Variants in PIK3CG observed in about 807,000 individuals in gnomAD.
PIK3CG encodes phosphatidylinositol 4,5-bisphosphate 3-kinase catalytic subunit gamma isoform.
In PIK3CG, 55 loss-of-function variants were observed where a neutral mutation model predicts 102.3. The ratio of observed to expected loss-of-function variants is 0.54; its 90% CI spans 0.43 to 0.67. The LOEUF is 0.67. Ranked by LOEUF, PIK3CG falls within the 30% of genes least tolerant of loss-of-function variation. The pLI is 0.00. For missense variants in PIK3CG, 1,258 were observed against 1,391.8 expected (o/e 0.90, Z 1.53); for synonymous variants, 552 against 540.0 (o/e 1.02, Z -0.31).
At position 106,877,373 on chromosome 7, in the gene PIK3CG, C is replaced by T. The variant is rs1349916809; in HGVS notation, c.2392-2146C>T. ...ATGCTGCCAAATACCCTGCAGGGTACAGGATAGTCCCCCAGAACCAACACT... is the reference window on the plus strand; with the variant it reads ...ATGCTGCCAAATACCCTGCAGGGTATAGGATAGTCCCCCAGAACCAACACT... On this transcript the variant is annotated intron_variant, in intron 5 of 10. Transcript: ENST00000496166. The surrounding 1 kb of genome is among the most constrained non-coding windows in gnomAD (Gnocchi z 4.5). Among the ~76,000 whole-genome samples, 3 of 152,168 alleles carry T rather than the reference C, an allele frequency of 2.0e-5. No homozygotes were observed. The highest frequency in any genetic ancestry group is 4.4e-5 in the Non-Finnish European group (3 of 68,022).
rs143439501 is a variant in PIK3CG, at chr7:106,877,612, C to CTATTT, written c.2392-1906_2392-1905insATTTT. On this transcript the variant is annotated intron_variant, in intron 5 of 10. Coordinates refer to ENST00000496166, the MANE Select transcript of PIK3CG (RefSeq NM_001282426.2). The surrounding 1 kb of genome is among the most constrained non-coding windows in gnomAD (Gnocchi z 4.5). ...TTTTCAGCACCATGTGTTGAAAAGACTGTTTTGTTTTGTTTTGTTTTGTTT... is the reference window on the plus strand; with the variant it reads ...TTTTCAGCACCATGTGTTGAAAAGACTATTTTGTTTTGTTTTGTTTTGTTTTGTTT... Among the ~76,000 whole-genome samples the CTATTT allele has an allele frequency of 6.6e-6, 1 of 150,434 alleles. No individual in the cohort carries two copies. The highest frequency in any genetic ancestry group is 2.4e-5 in the African/African-American group (1 of 40,854).
intron 10 of PIK3CG, among the ~76,000 whole-genome samples, chr7:106,901,780 T>C (rs1270556160): frequency 1.3e-5 from 2 of 152,212 alleles, no homozygotes; most frequent in African/African-American, 4.8e-5. Flanking sequence ...GCAGGGTCTT[T>C]ATTTGAAGCT....
Position 106,884,327 on chromosome 7 carries a change from T to C in PIK3CG, c.2872+61T>C, listed in dbSNP as rs1791024587. 9.2e-7 allele frequency: 1 copy of C among 1,092,042 alleles called. No homozygotes were observed. Among genetic ancestry groups the C allele is most frequent in the Non-Finnish European group, 1.4e-6 (1 of 716,220 alleles). 67.6% of individuals were successfully genotyped at this position (1,092,042 alleles called of 1,614,324 possible). A position where few individuals can be genotyped will look rare whatever the true frequency, so the allele number is the denominator to read the frequency against. On this transcript the variant is annotated intron_variant, in intron 9 of 10. Transcript: ENST00000496166. This position sits in a 1 kb window ranked among gnomAD's most constrained non-coding sequence, Gnocchi z 4.2. ...GGTAAAATATATATAACATAACATTTACTATTTTAACTCTAATTAACTGTA... is the reference window on the plus strand; with the variant it reads ...GGTAAAATATATATAACATAACATTCACTATTTTAACTCTAATTAACTGTA...
chr7:106,886,087 C>G (rs753677636), intron 9 of PIK3CG, 48 bp from the exon 10 acceptor site: 2 of 1,533,890 alleles, frequency 1.3e-6, no homozygotes, highest in South Asian at 1.2e-5. Context: ...TTTTAAGGAA[C>G]AAAGTGCTGT....
chr7:106,882,081 T>A, intron 6 of PIK3CG, 36 bp from the exon 7 acceptor site: 1 of 901,848 alleles, frequency 1.1e-6, no homozygotes. Context: ...AGTTAATATA[T>A]ATATAATATA....
In PIK3CG at chr7:106,908,035, G is replaced by T. The variant is rs1424394187; in HGVS notation, c.*2648G>T. On this transcript the variant is annotated 3_prime_UTR_variant, in exon 11 of 11. Coordinates refer to ENST00000496166, the MANE Select transcript of PIK3CG (RefSeq NM_001282426.2). This position sits in a 1 kb window ranked among gnomAD's most constrained non-coding sequence, Gnocchi z 4.1. ...AGAACTAGAATCATCCTGCTACTGGGAACTACCCACAGCTCTATCTTCAAT... is the reference window on the plus strand; with the variant it reads ...AGAACTAGAATCATCCTGCTACTGGTAACTACCCACAGCTCTATCTTCAAT... Among the ~76,000 whole-genome samples, 2 of 151,986 alleles carry T rather than the reference G, an allele frequency of 1.3e-5. No homozygotes were observed.
chr7:106,873,274 C>T (rs941062813), intron 4 of PIK3CG, among the ~76,000 whole-genome samples: 11 of 152,158 alleles, frequency 7.2e-5, no homozygotes, highest in African/African-American at 2.7e-4. Flanking sequence ...TATGCACATA[C>T]AGTTTTCAAG....
chr7:106,888,589 G>T (rs1159858513), intron 10 of PIK3CG, among the ~76,000 whole-genome samples: 1 of 152,172 alleles, frequency 6.6e-6, no homozygotes, highest in Non-Finnish European at 1.5e-5. Context: ...TGTTTCTCAA[G>T]CCATTAAAAC....
At chr7:106,866,176 A>C (rs750482990) in intron 1 of PIK3CG, among the ~76,000 whole-genome samples, 4 of 152,222 alleles carry the variant, frequency 2.6e-5, no homozygotes, top group Non-Finnish European at 4.4e-5. Context: ...TTTCTTAAGG[A>C]AATAATGTAG....
Position 106,877,090 on chromosome 7 carries a change from T to G in PIK3CG, c.2391+2287T>G, listed in dbSNP as rs1420827919. On this transcript the variant is annotated intron_variant, in intron 5 of 10. Transcript: ENST00000496166. This position sits in a 1 kb window ranked among gnomAD's most constrained non-coding sequence, Gnocchi z 4.5. ...GGCACGTGCCATAGTCCCCACTACTTGGAAGGCTGTGGTGGGAGGATCACT... is the reference window on the plus strand; with the variant it reads ...GGCACGTGCCATAGTCCCCACTACTGGGAAGGCTGTGGTGGGAGGATCACT... Among the ~76,000 whole-genome samples the G allele has an allele frequency of 6.6e-6, 1 of 152,178 alleles. No homozygotes were observed. The highest frequency in any genetic ancestry group is 2.4e-5 in the African/African-American group (1 of 41,442).
At position 106,869,301 on chromosome 7, in the gene PIK3CG, C is replaced by T. The variant is rs201753163; in HGVS notation, c.1740C>T (p.Tyr580=). The T allele has an allele frequency of 8.4e-5, 135 of 1,614,184 alleles. No individual in the cohort carries two copies. In the East Asian group the frequency reaches 2.5e-3, roughly 30 times the overall value. ...EDKELLWHFR[Y]ESLKHPKAYP... is the part of the protein sequence containing the mutation. ...AAGAATTGCTCTGGCATTTTAGATA[C>T]GAAAGCCTTAAGCACCCAAAAGCAT... Residue 580 remains tyrosine (Y), a synonymous_variant, in exon 2 of 11, where the codon TAC becomes TAT. Transcript: ENST00000496166. The surrounding 1 kb of genome is among the most constrained non-coding windows in gnomAD (Gnocchi z 5.3).
rs1790424775 is a variant in PIK3CG, at chr7:106,868,896, C to A, written c.1335C>A (p.Ala445=). The change falls in exon 2 of 11, where the codon GCC becomes GCA. Residue 445 remains alanine (A), a synonymous_variant. Transcript: ENST00000496166. This position sits in a 1 kb window ranked among gnomAD's most constrained non-coding sequence, Gnocchi z 6.2. ...CGKAPALSSK[A]SAESPSSESK... ...AAGCTCCAGCACTGTCCAGCAAGGC[C>A]TCTGCAGAGTCCCCCAGTTCTGAGT... 1 of 1,614,100 alleles carries A rather than the reference C, an allele frequency of 6.2e-7. No individual in the cohort carries two copies. Among genetic ancestry groups the A allele is most frequent in the Non-Finnish European group, 8.5e-7 (1 of 1,180,046 alleles).
intron 4 of PIK3CG, among the ~76,000 whole-genome samples, chr7:106,873,274 C>G (rs941062813): frequency 3.9e-5 from 6 of 152,158 alleles, no homozygotes; most frequent in African/African-American, 1.4e-4. Context: ...TATGCACATA[C>G]AGTTTTCAAG....
At chr7:106,873,290 A>G (rs1278882172) in intron 4 of PIK3CG, among the ~76,000 whole-genome samples, 1 of 152,222 alleles carries the variant, frequency 6.6e-6, no homozygotes, top group Non-Finnish European at 1.5e-5. Flanking sequence ...TCAAGTTTAC[A>G]GTCTTATAAA....
At position 106,880,980 on chromosome 7, in the gene PIK3CG, G is replaced by A. The variant is rs999260107; in HGVS notation, c.2539-1137G>A. Among the ~76,000 whole-genome samples, 4 of 151,908 alleles carry A rather than the reference G, an allele frequency of 2.6e-5. No homozygotes were observed. Among genetic ancestry groups the A allele is most frequent in the African/African-American group, 9.7e-5 (4 of 41,346 alleles). On this transcript the variant is annotated intron_variant, in intron 6 of 10. Coordinates refer to ENST00000496166, the MANE Select transcript of PIK3CG (RefSeq NM_001282426.2). This position sits in a 1 kb window ranked among gnomAD's most constrained non-coding sequence, Gnocchi z 4.2. ...CTCCTTTTCTTTCCCTTCCTCATAAGAAAACCAACAGTGTGGACCTGGAAA... is the reference window on the plus strand; with the variant it reads ...CTCCTTTTCTTTCCCTTCCTCATAAAAAAACCAACAGTGTGGACCTGGAAA...
Position 106,906,831 on chromosome 7 carries a change from CT to C in PIK3CG, c.*1461del, listed in dbSNP as rs571080689. On this transcript the variant is annotated 3_prime_UTR_variant, in exon 11 of 11. Coordinates refer to ENST00000496166, the MANE Select transcript of PIK3CG (RefSeq NM_001282426.2). ...GACTTTGAGGTAGTCCAGACCTTTT[CT>C]TTTTTTTTTTTTTTTTAATGTGTGC... 0.048 allele frequency: 8,600 copies of C among 178,926 alleles called. 1 individual carries two copies. Among genetic ancestry groups the C allele is most frequent in the East Asian group, 0.089 (1,101 of 12,368 alleles). The allele number at this position is 178,926 out of a possible 1,614,324, so 11.1% of individuals were successfully genotyped here.
In PIK3CG at chr7:106,905,419, G is replaced by A. The variant is rs1562804485; in HGVS notation, c.*32G>A. The A allele has an allele frequency of 6.3e-7, 1 of 1,584,442 alleles. No individual in the cohort carries two copies. Among genetic ancestry groups the A allele is most frequent in the East Asian group, 2.2e-5 (1 of 44,574 alleles). On this transcript the variant is annotated 3_prime_UTR_variant, in exon 11 of 11. Coordinates refer to ENST00000496166, the MANE Select transcript of PIK3CG (RefSeq NM_001282426.2). The surrounding 1 kb of genome is among the most constrained non-coding windows in gnomAD (Gnocchi z 5.6). ...AGGCTAGAATCAAAAACAAGTTAGTGTTCTATGGTTTAAATTAGCATAGCA... is the reference window on the plus strand; with the variant it reads ...AGGCTAGAATCAAAAACAAGTTAGTATTCTATGGTTTAAATTAGCATAGCA...
chr7:106,890,117 A>G lies in PIK3CG; in HGVS notation c.3030+3825A>G, dbSNP rs988524263. Among the ~76,000 whole-genome samples, 16 of 152,262 alleles carry G rather than the reference A, an allele frequency of 1.1e-4. No individual in the cohort carries two copies. Among genetic ancestry groups the G allele is most frequent in the African/African-American group, 3.9e-4 (16 of 41,466 alleles). On this transcript the variant is annotated intron_variant, in intron 10 of 10. Transcript: ENST00000496166. This position sits in a 1 kb window ranked among gnomAD's most constrained non-coding sequence, Gnocchi z 4.2. ...ATATATAATAAACAAATGTATTTAT[A>G]TCATTGGCAAATGAAATTTGGCTTC...
rs1791361422 is a variant in PIK3CG, at chr7:106,894,733, T to C, written c.3030+8441T>C. On this transcript the variant is annotated intron_variant, in intron 10 of 10. Transcript: ENST00000496166. The surrounding 1 kb of genome is among the most constrained non-coding windows in gnomAD (Gnocchi z 4.4). ...TAGGAAAAGTAAGTGGAGGTTCCAC[T>C]TCATTTCTAGATGAAAATGGAGGAT... 6.6e-6 allele frequency among the ~76,000 whole-genome samples: 1 copy of C among 152,240 alleles called. No individual in the cohort carries two copies. Among genetic ancestry groups the C allele is most frequent in the South Asian group, 2.1e-4 (1 of 4,836 alleles).
Sources: gnomAD v4.1 joint callset for allele counts (sites outside exome capture counted in the v4.1 genomes callset) on GRCh38, gnomAD v4.1.1 for gene constraint, Gnocchi (gnomAD v3.1) non-coding constraint, MANE v1.5 for transcripts, NCBI Gene and HGNC (gene_info 2026-07-23, HGNC 2026-07-21) for gene names.